CLASP2: variants seen among roughly 807,000 people sequenced by gnomAD.
The protein encoded by CLASP2 is CLIP-associating protein 2.
A neutral mutation model predicts 194.4 loss-of-function variants in CLASP2; 47 were observed. The ratio of observed to expected loss-of-function variants is 0.24; its 90% confidence interval spans 0.19 to 0.31. The LOEUF (loss-of-function observed/expected upper bound fraction) is 0.31, where lower values mean the gene tolerates loss of function less well. Ranked by LOEUF, CLASP2 falls within the 10% of genes least tolerant of loss-of-function variation. The pLI is 1.00. For synonymous variants in CLASP2, 619 were observed against 633.5 expected, an observed-to-expected ratio of 0.98 and a Z score of 0.34; for missense variants, 1,445 against 1,823.6, an observed-to-expected ratio of 0.79 and a Z score of 3.78.
intron 9 of CLASP2, among the ~76,000 whole-genome samples, chr3:33,631,087 G>A (rs1440820931): frequency 6.6e-6 from 1 of 152,104 alleles, no homozygotes; most frequent in Non-Finnish European, 1.5e-5. Context: ...TCCTTTCAGA[G>A]AGCTAAAAAG....
At chr3:33,636,886 C>A (rs1470683083) in intron 8 of CLASP2, among the ~76,000 whole-genome samples, 1 of 152,150 alleles carries the variant, frequency 6.6e-6, no homozygotes, top group East Asian at 1.9e-4. Flanking sequence ...CAGGTGTGAG[C>A]CACTATGCCT....
intron 36 of CLASP2, among the ~76,000 whole-genome samples, chr3:33,511,202 T>TTTTTTA (rs2049672442): frequency 6.6e-6 from 1 of 152,050 alleles, no homozygotes; most frequent in Non-Finnish European, 1.5e-5. Flanking sequence ...CCGGCTAATT[T>TTTTTTA]TTTTTATTTT....
At chr3:33,708,486 GTATGTATATATATATA>G (rs2092809416) in intron 1 of CLASP2, among the ~76,000 whole-genome samples, 1 of 18,176 alleles carries the variant, frequency 5.5e-5, no homozygotes, top group Admixed American at 9.3e-4. Flanking sequence ...GTGTGTGTGT[GTATGTATATATATATA>G]TATGTATATA....
chr3:33,638,354 T>G (rs2080593936), intron 8 of CLASP2, among the ~76,000 whole-genome samples: 1 of 152,078 alleles, frequency 6.6e-6, no homozygotes, highest in Non-Finnish European at 1.5e-5. Context: ...GCCCAGGCTG[T>G]AGTGCAGTGG....
chr3:33,673,166 GA>G (rs940284333), intron 6 of CLASP2, among the ~76,000 whole-genome samples: 4 of 152,118 alleles, frequency 2.6e-5, no homozygotes, highest in Non-Finnish European at 5.9e-5. Flanking sequence ...TGAAATGAAG[GA>G]AAAAATGTTA....
intron 18 of CLASP2, among the ~76,000 whole-genome samples, chr3:33,598,719 T>G (rs539052910): frequency 5.9e-5 from 9 of 152,324 alleles, no homozygotes; most frequent in African/African-American, 2.2e-4. Flanking sequence ...TCTTTCCAAC[T>G]TCTATATCAA....
At chr3:33,688,455 C>T (rs2090968736) in intron 3 of CLASP2, 87 bp from the exon 4 acceptor site, 2 of 958,958 alleles carry the variant, frequency 2.1e-6, no homozygotes, top group East Asian at 5.4e-5. Context: ...TTACTACCAA[C>T]CTTATCGGTA....
intron 6 of CLASP2, among the ~76,000 whole-genome samples, chr3:33,669,219 G>A (rs1408128163): frequency 1.3e-5 from 2 of 152,012 alleles, no homozygotes; most frequent in Admixed American, 6.5e-5. Context: ...GTATCCACAC[G>A]AAAAAAATTT....
chr3:33,556,154 T>A (rs1207935350), intron 29 of CLASP2, among the ~76,000 whole-genome samples: 1 of 152,182 alleles, frequency 6.6e-6, no homozygotes, highest in African/African-American at 2.4e-5. Flanking sequence ...TGTATTGCCA[T>A]TTCCCCCATT....
At chr3:33,703,141 G>A (rs1309403044) in intron 1 of CLASP2, among the ~76,000 whole-genome samples, 7 of 152,132 alleles carry the variant, frequency 4.6e-5, no homozygotes, top group Admixed American at 3.3e-4. Context: ...TCTGTTCTAT[G>A]GAAGATGTCT....
At chr3:33,710,118 T>C (rs918717396) in intron 1 of CLASP2, among the ~76,000 whole-genome samples, 21 of 152,200 alleles carry the variant, frequency 1.4e-4, no homozygotes, top group African/African-American at 5.1e-4. Context: ...GTATGTTCAA[T>C]ATTCTCCATA....
intron 1 of CLASP2, among the ~76,000 whole-genome samples, chr3:33,713,054 C>T (rs2093111826): frequency 7.2e-6 from 1 of 138,308 alleles, no homozygotes; most frequent in African/African-American, 2.6e-5. Flanking sequence ...GTGTGAATCA[C>T]CAGCAACCAT....
intron 6 of CLASP2, among the ~76,000 whole-genome samples, chr3:33,667,882 A>G (rs1279652914): frequency 1.3e-5 from 2 of 152,158 alleles, no homozygotes; most frequent in Non-Finnish European, 2.9e-5. Flanking sequence ...CTTACTTTTT[A>G]AAAAATATTT....
chr3:33,565,773 T>C (rs1169505648), intron 27 of CLASP2, among the ~76,000 whole-genome samples: 5 of 151,688 alleles, frequency 3.3e-5, no homozygotes, highest in East Asian at 1.9e-4. Flanking sequence ...GATTGAGCCA[T>C]TGCACTCCAG....
intron 7 of CLASP2, among the ~76,000 whole-genome samples, chr3:33,660,468 T>TA (rs1187198304): frequency 1.3e-5 from 2 of 152,250 alleles, no homozygotes; most frequent in Non-Finnish European, 2.9e-5. Context: ...CTTTTAGCTA[T>TA]AAAAAAGTTA....
intron 20 of CLASP2, among the ~76,000 whole-genome samples, chr3:33,594,388 A>G (rs1038810177): frequency 2.0e-5 from 3 of 152,138 alleles, no homozygotes; most frequent in African/African-American, 7.2e-5. Context: ...ACAAATTGAA[A>G]ACTATAAAAA....
In CLASP2 at chr3:33,517,172, G is replaced by C; in HGVS notation, c.3790C>G (p.Leu1264Val). ...DDDADQFPDD[L>V]SLDHSDLVAE... ...ACTAGGTCAGAATGATCTAGGGAAA[G>C]ATCTGTCAAAAGGACATGGTATTAG... Residue 1264 changes from leucine to valine, a missense_variant and splice_region_variant, in exon 35 of 39, where the codon CTT becomes GTT. By Grantham distance (32) the Leu-to-Val change is conservative. This residue lies in a region of CLASP2 where 732 missense variants were observed against 987.9 expected (regional missense o/e 0.74). Coordinates refer to ENST00000682230, the MANE Select transcript of CLASP2 (RefSeq NM_001365631.1). 6.2e-7 allele frequency: 1 copy of C among 1,609,102 alleles called. No homozygotes were observed. Among genetic ancestry groups the C allele is most frequent in the Non-Finnish European group, 8.5e-7 (1 of 1,178,468 alleles).
chr3:33,560,249 T>G (rs2061597606), intron 28 of CLASP2, among the ~76,000 whole-genome samples: 1 of 152,086 alleles, frequency 6.6e-6, no homozygotes, highest in South Asian at 2.1e-4. Flanking sequence ...CTTTTTTTTT[T>G]TTCTTTTTTT....
chr3:33,605,578 C>T (rs1359269457), intron 16 of CLASP2, among the ~76,000 whole-genome samples: 1 of 152,070 alleles, frequency 6.6e-6, no homozygotes, highest in African/African-American at 2.4e-5. Flanking sequence ...CCAAGGAAAC[C>T]GGCAATCTTT....
Sources: gnomAD v4.1 joint callset for allele counts (sites outside exome capture counted in the v4.1 genomes callset) on GRCh38, gnomAD v4.1.1 for gene constraint, gnomAD v4.1.1 regional missense constraint, MANE v1.5 for transcripts, NCBI Gene and HGNC (gene_info 2026-07-23, HGNC 2026-07-21) for gene names.